The following NLGN1 variants were observed in gnomAD, a reference collection of about 807,000 sequenced individuals.
NLGN1 encodes neuroligin-1.
Under a neutral mutation model 65.5 loss-of-function variants are expected in NLGN1, and 12 were observed. The ratio of observed to expected loss-of-function variants is 0.18; its 90% confidence interval spans 0.12 to 0.30. NLGN1 has a LOEUF of 0.30. Ranked by LOEUF, NLGN1 falls within the 10% of genes least tolerant of loss-of-function variation. NLGN1 has a pLI of 1.00. For synonymous variants in NLGN1, 350 were observed against 359.5 expected, an observed-to-expected ratio of 0.97 and a Z score of 0.30; for missense variants, 750 against 1,007.1, an observed-to-expected ratio of 0.74 and a Z score of 3.46.
intron 4 of NLGN1, among the ~76,000 whole-genome samples, chr3:173,863,225 A>G (rs2150818428): frequency 6.6e-6 from 1 of 152,148 alleles, no homozygotes; most frequent in Non-Finnish European, 1.5e-5. Context: ...TAAAAAATTA[A>G]TGTGATTGTT....
chr3:173,487,470 T>G (rs991904038), intron 2 of NLGN1, among the ~76,000 whole-genome samples: 3 of 152,040 alleles, frequency 2.0e-5, no homozygotes, highest in Non-Finnish European at 4.4e-5. Flanking sequence ...TTCGTAATTA[T>G]CTATTAAGTA....
chr3:173,936,333 A>G (rs114923780), intron 4 of NLGN1, among the ~76,000 whole-genome samples: 1,825 of 152,110 alleles, frequency 0.012, 40 homozygotes, highest in African/African-American at 0.041. Context: ...CATGCATTTT[A>G]TGTTTATTAC....
intron 4 of NLGN1, among the ~76,000 whole-genome samples, chr3:174,129,149 C>G (rs1213112241): frequency 2.0e-5 from 3 of 151,878 alleles, no homozygotes; most frequent in Non-Finnish European, 4.4e-5. Flanking sequence ...CTTACCAAAC[C>G]CTCATTTGGT....
intron 4 of NLGN1, among the ~76,000 whole-genome samples, chr3:174,157,164 C>A (rs1725595317): frequency 6.6e-6 from 1 of 151,544 alleles, no homozygotes; most frequent in Non-Finnish European, 1.5e-5. Flanking sequence ...ACGGATGTTT[C>A]AGTGCAAAGC....
chr3:173,778,263 C>T (rs565695824), intron 3 of NLGN1, among the ~76,000 whole-genome samples: 1 of 151,786 alleles, frequency 6.6e-6, no homozygotes, highest in African/African-American at 2.4e-5. Flanking sequence ...GCTTTGGAGA[C>T]CTCTTTTTTA....
chr3:174,056,651 T>C (rs1443272797), intron 4 of NLGN1, among the ~76,000 whole-genome samples: 2 of 152,026 alleles, frequency 1.3e-5, no homozygotes, highest in African/African-American at 4.8e-5. Context: ...AAAGGCCATT[T>C]ATTTTTTTAT....
chr3:174,239,161 C>T lies in NLGN1; in HGVS notation c.647-36154C>T, dbSNP rs1007910200. On this transcript the variant is annotated intron_variant, in intron 4 of 6. Transcript: ENST00000457714. ...TCAGCTCACTGCAACCTCCGCCTCC[C>T]GGGTTCAAGTGATTCTCCTGCCTCA... 5.9e-5 allele frequency among the ~76,000 whole-genome samples: 9 copies of T among 152,008 alleles called. No homozygotes were observed. In the South Asian group the frequency reaches 8.3e-4, roughly 14 times the overall value.
At chr3:174,222,025 A>G (rs1738763943) in intron 4 of NLGN1, among the ~76,000 whole-genome samples, 1 of 152,150 alleles carries the variant, frequency 6.6e-6, no homozygotes, top group Non-Finnish European at 1.5e-5. Flanking sequence ...CTATTTACAA[A>G]TAAGTTTCTG....
At chr3:173,905,629 C>T (rs183376692) in intron 4 of NLGN1, among the ~76,000 whole-genome samples, 1 of 152,272 alleles carries the variant, frequency 6.6e-6, no homozygotes, top group Admixed American at 6.5e-5. Flanking sequence ...CTGCCAGGGA[C>T]AATGGATGTG....
In NLGN1 at chr3:174,044,999, T is replaced by C. The variant is rs551095643; in HGVS notation, c.647-230316T>C. On this transcript the variant is annotated intron_variant, in intron 4 of 6. Coordinates refer to ENST00000457714, the Ensembl canonical transcript of NLGN1. ...CTGAGGCCTCCCCAGCCAGGCAGAATTGTGAGTCAATAAATTACCCATTCT... is the reference window on the plus strand; with the variant it reads ...CTGAGGCCTCCCCAGCCAGGCAGAACTGTGAGTCAATAAATTACCCATTCT... 9.7e-4 allele frequency among the ~76,000 whole-genome samples: 147 copies of C among 152,178 alleles called. No individual in the cohort carries two copies. In the Middle Eastern group the frequency reaches 0.01, roughly 11 times the overall value.
At chr3:173,987,910 A>G (rs1720296689) in intron 4 of NLGN1, among the ~76,000 whole-genome samples, 1 of 152,160 alleles carries the variant, frequency 6.6e-6, no homozygotes, top group Admixed American at 6.5e-5. Context: ...AATATTCCAA[A>G]TGCCTTTCCT....
At position 174,066,515 on chromosome 3, in the gene NLGN1, A is replaced by C. The variant is rs560466814; in HGVS notation, c.647-208800A>C. ...CAGTTTTTAAATAGATTATGGAACA[A>C]GTCTCTCTCTCTCTCTCTCTCTCTC... On this transcript the variant is annotated intron_variant, in intron 4 of 6. Transcript: ENST00000457714. Among the ~76,000 whole-genome samples, 55 of 48,024 alleles carry C rather than the reference A, an allele frequency of 1.1e-3. 1 individual carries two copies. Among genetic ancestry groups the C allele is most frequent in the African/African-American group, 3.6e-3 (52 of 14,522 alleles). 31.5% of individuals were successfully genotyped at this position (48,024 alleles called of 152,430 possible). A position where few individuals can be genotyped will look rare whatever the true frequency, so the allele number is the denominator to read the frequency against.
At chr3:173,757,891 A>G (rs1266217176) in intron 3 of NLGN1, among the ~76,000 whole-genome samples, 2 of 152,050 alleles carry the variant, frequency 1.3e-5, no homozygotes, top group Non-Finnish European at 2.9e-5. Flanking sequence ...AATAAAATAC[A>G]TGATATAACA....
intron 3 of NLGN1, among the ~76,000 whole-genome samples, chr3:173,660,634 G>A (rs1369307716): frequency 6.6e-6 from 1 of 151,740 alleles, no homozygotes; most frequent in African/African-American, 2.4e-5. Flanking sequence ...TTTACAACCT[G>A]AAGGTAAAAA....
chr3:174,261,384 T>G (rs1746872744), intron 4 of NLGN1, among the ~76,000 whole-genome samples: 1 of 146,058 alleles, frequency 6.8e-6, no homozygotes, highest in Admixed American at 6.9e-5. Flanking sequence ...GTAGTTCTCC[T>G]TGAAGAGGTC....
intron 3 of NLGN1, among the ~76,000 whole-genome samples, chr3:173,672,563 T>C (rs1381437475): frequency 1.3e-5 from 2 of 152,200 alleles, no homozygotes; most frequent in Non-Finnish European, 2.9e-5. Flanking sequence ...ATGGGGATGC[T>C]GGTGACACCT....
intron 4 of NLGN1, among the ~76,000 whole-genome samples, chr3:173,985,160 T>C (rs761896613): frequency 5.3e-5 from 8 of 152,196 alleles, no homozygotes; most frequent in Non-Finnish European, 7.3e-5. Context: ...AATAGAGAAT[T>C]ATGACGATTT....
intron 2 of NLGN1, among the ~76,000 whole-genome samples, chr3:173,598,924 T>G (rs550790255): frequency 6.6e-6 from 1 of 152,244 alleles, no homozygotes; most frequent in African/African-American, 2.4e-5. Context: ...AGGCCAGGCC[T>G]TTGAATACTG....
At chr3:174,087,180 G>T (rs1468184800) in intron 4 of NLGN1, among the ~76,000 whole-genome samples, 1 of 152,098 alleles carries the variant, frequency 6.6e-6, no homozygotes, top group African/African-American at 2.4e-5. Context: ...ACTAGGCGTC[G>T]TACCTGGGTG....
Sources: allele counts gnomAD v4.1 joint callset (sites outside exome capture counted in the v4.1 genomes callset), GRCh38; gene constraint gnomAD v4.1.1; transcripts MANE v1.5; gene names NCBI Gene and HGNC (gene_info 2026-07-23, HGNC 2026-07-21).